The following C6orf118 variants were observed in gnomAD, a reference collection of about 807,000 sequenced individuals.
The protein encoded by C6orf118 is uncharacterized protein C6orf118.
C6orf118 carries 50 observed loss-of-function variants against 50.2 expected under a neutral mutation model. That is an observed-to-expected ratio of 1.00 (90% confidence interval 0.79 to 1.26). The LOEUF (loss-of-function observed/expected upper bound fraction) is 1.26. Ranked by LOEUF, C6orf118 falls within the 50% of genes most tolerant of loss-of-function variation. The pLI is 0.00. For synonymous variants in C6orf118, 239 were observed against 230.9 expected, an observed-to-expected ratio of 1.03 and a Z score of -0.32; for missense variants, 641 against 578.7, an observed-to-expected ratio of 1.11 and a Z score of -1.10.
At chr6:165,280,191 AT>A in intron 8 of C6orf118, 81 bp from the exon 9 acceptor site, 2 of 984,330 alleles carry the variant, frequency 2.0e-6, no homozygotes, top group Non-Finnish European at 3.0e-6. Context: ...ATAAGCATCT[AT>A]TTTAGACACA....
At chr6:165,301,469 C>A in intron 2 of C6orf118, 100 bp downstream of exon 2, 1 of 1,459,744 alleles carries the variant, frequency 6.9e-7, no homozygotes, top group Non-Finnish European at 9.2e-7. Context: ...GGAGCTCTGC[C>A]CCGAGAGGTT....
intron 8 of C6orf118, chr6:165,281,422 C>G: frequency 9.4e-7 from 1 of 1,060,670 alleles, no homozygotes; most frequent in Non-Finnish European, 1.2e-6. Context: ...TTTTAAATAA[C>G]TGATCTTGAG....
chr6:165,304,794 T>G (rs1172117617), intron 1 of C6orf118, among the ~76,000 whole-genome samples: 3 of 70,544 alleles, frequency 4.3e-5, no homozygotes, highest in Non-Finnish European at 7.3e-5. Flanking sequence ...CAAGGAGAAC[T>G]ACAAACCACT....
At chr6:165,293,317 T>C (rs750864939) in intron 6 of C6orf118, 96 bp downstream of exon 6, 2 of 1,113,734 alleles carry the variant, frequency 1.8e-6, no homozygotes, top group Non-Finnish European at 2.8e-6. Flanking sequence ...CATCAGCATC[T>C]TCCAAGTTGA....
intron 7 of C6orf118, among the ~76,000 whole-genome samples, chr6:165,284,679 T>G (rs1179288857): frequency 2.0e-5 from 3 of 152,170 alleles, no homozygotes; most frequent in Non-Finnish European, 4.4e-5. Context: ...CCTAACATTC[T>G]TAAGGAAAAT....
In C6orf118 at chr6:165,290,155, A is replaced by G; in HGVS notation, c.1121-88T>C. On this transcript the variant is annotated intron_variant, in intron 6 of 8. Transcript: ENST00000230301. ...TTATGTATTATTAACAATATTATGT[A>G]TGCTATAGTATATATAACTATAAAA... 3 of 758,858 alleles carry G rather than the reference A, an allele frequency of 4.0e-6. 1 individual carries two copies. The highest frequency in any genetic ancestry group is 6.3e-6 in the Non-Finnish European group (3 of 479,990). The allele number at this position is 758,858 out of a possible 1,614,324, so 47.0% of individuals were successfully genotyped here. A position where few individuals can be genotyped will look rare whatever the true frequency, so the allele number is the denominator to read the frequency against.
At chr6:165,307,934 A>G (rs778027606) in intron 1 of C6orf118, among the ~76,000 whole-genome samples, 14 of 152,178 alleles carry the variant, frequency 9.2e-5, no homozygotes, top group Non-Finnish European at 1.6e-4. Flanking sequence ...GAATCTTTTC[A>G]GACTCCACTG....
At chr6:165,280,461 A>T (rs1032926003) in intron 8 of C6orf118, among the ~76,000 whole-genome samples, 2 of 152,084 alleles carry the variant, frequency 1.3e-5, no homozygotes, top group African/African-American at 4.8e-5. Context: ...TTTTAAGAAC[A>T]CCCAACATGA....
At chr6:165,296,486 C>T (rs904403221) in intron 5 of C6orf118, among the ~76,000 whole-genome samples, 6 of 151,954 alleles carry the variant, frequency 3.9e-5, no homozygotes, top group Non-Finnish European at 7.4e-5. Context: ...CCACTGACCC[C>T]GCACCCTGTA....
At position 165,281,643 on chromosome 6, in the gene C6orf118, T is replaced by C. The variant is rs768462870; in HGVS notation, c.1353A>G (p.Ile451Met). ...TTGATTCACACAAAAAACTTACTTT[T>C]ATTTTCTTCTTTAAAATCATATTTT... is the stretch of plus-strand genomic sequence containing the variant. ...ETENMILKKK[I>M]KGPLEIYQGI... Residue 451 changes from isoleucine (I) to methionine (M), a missense_variant, in exon 8 of 9, where the codon ATA becomes ATG. Physicochemically the swap from Ile to Met is conservative, Grantham distance 10 (BLOSUM62 1). Coordinates refer to ENST00000230301, the MANE Select transcript of C6orf118 (RefSeq NM_144980.4). 7.4e-6 allele frequency: 11 copies of C among 1,493,956 alleles called. No individual in the cohort carries two copies. Among genetic ancestry groups the C allele is most frequent in the South Asian group, 3.9e-5 (3 of 76,546 alleles). 92.5% of individuals were successfully genotyped at this position (1,493,956 alleles called of 1,614,324 possible). A position where few individuals can be genotyped will look rare whatever the true frequency, so the allele number is the denominator to read the frequency against.
chr6:165,291,860 C>T (rs1023739958), intron 6 of C6orf118, among the ~76,000 whole-genome samples: 1 of 152,110 alleles, frequency 6.6e-6, no homozygotes, highest in Admixed American at 6.5e-5. Context: ...AAAACAATTA[C>T]TACTTTTCGA....
rs771470217 is a variant in C6orf118, at chr6:165,302,126, G to A, written c.196C>T (p.Pro66Ser). The change falls in exon 2 of 9, where the codon CCC becomes TCC. Residue 66 changes from proline to serine, a missense_variant. By Grantham distance (74) the Pro-to-Ser change is moderately conservative (BLOSUM62 -1). Transcript: ENST00000230301. Reference protein sequence around the residue: ...VYLYISGHLNPNKLYQPPETI... With the variant: ...VYLYISGHLNSNKLYQPPETI... ...TCCGGAGGCTGGTAGAGCTTGTTGGGGTTCAGGTGTCCAGAGATGTAGAGG... is the reference window on the plus strand; with the variant it reads ...TCCGGAGGCTGGTAGAGCTTGTTGGAGTTCAGGTGTCCAGAGATGTAGAGG... 5 of 1,613,942 alleles carry A rather than the reference G, an allele frequency of 3.1e-6. No individual in the cohort carries two copies. Among genetic ancestry groups the A allele is most frequent in the African/African-American group, 2.7e-5 (2 of 74,884 alleles).
rs766875118 is a variant in C6orf118, at chr6:165,293,393, G to C, written c.1120+20C>G. Reference sequence around the variant, plus strand: ...TCACAGCAAAGCACCCATAAGGAAGGACATCACACAGACACCTGCCTGATC... The same window carrying C: ...TCACAGCAAAGCACCCATAAGGAAGCACATCACACAGACACCTGCCTGATC... On this transcript the variant is annotated intron_variant, in intron 6 of 8. Coordinates refer to ENST00000230301, the MANE Select transcript of C6orf118 (RefSeq NM_144980.4). 16 of 1,611,780 alleles carry C rather than the reference G, an allele frequency of 9.9e-6. No homozygotes were observed. Among genetic ancestry groups the C allele is most frequent in the Non-Finnish European group, 1.3e-5 (15 of 1,177,814 alleles).
chr6:165,299,581 C>T lies in C6orf118; in HGVS notation c.877-79G>A, dbSNP rs73788323. 1,368 of 1,091,680 alleles carry T rather than the reference C, an allele frequency of 1.3e-3. 10 individuals carry two copies. In the African/African-American group the frequency reaches 0.017, roughly 14 times the overall value. 67.6% of individuals were successfully genotyped at this position (1,091,680 alleles called of 1,614,324 possible). A position where few individuals can be genotyped will look rare whatever the true frequency, so the allele number is the denominator to read the frequency against. On this transcript the variant is annotated intron_variant, in intron 3 of 8. Coordinates refer to ENST00000230301, the MANE Select transcript of C6orf118 (RefSeq NM_144980.4). ...AGGTGTTTCACGTGTATAAATAATA[C>T]GGAAGTCAAGAATGTTCATTTAGAT...
intron 8 of C6orf118, among the ~76,000 whole-genome samples, chr6:165,280,927 C>T (rs1229843010): frequency 6.6e-6 from 1 of 152,156 alleles, no homozygotes; most frequent in African/African-American, 2.4e-5. Flanking sequence ...TAAGCCTTTC[C>T]CTATTTAAAT....
At position 165,309,568 on chromosome 6, in the gene C6orf118, G is replaced by T; in HGVS notation, c.19C>A (p.Pro7Thr). The T allele has an allele frequency of 2.5e-6, 4 of 1,614,066 alleles. No homozygotes were observed. The highest frequency in any genetic ancestry group is 3.4e-6 in the Non-Finnish European group (4 of 1,180,012). ...GCCGCTCCAGGCCACTTACATTCAG[G>T]CTCCCGCTCCTCCGCCATCGCTTCC... MAEERE[P>T]ELYLKWKHCE... The change falls in exon 1 of 9, where the codon CCT (proline) becomes ACT (threonine). Residue 7 changes from proline (P) to threonine (T), a missense_variant. Transcript: ENST00000230301.
intron 1 of C6orf118, among the ~76,000 whole-genome samples, chr6:165,303,497 AC>A (rs1479830850): frequency 2.1e-5 from 3 of 145,950 alleles, no homozygotes; most frequent in African/African-American, 7.9e-5. Context: ...AAATAGAGAC[AC>A]AAAAAACCCT....
In C6orf118 at chr6:165,290,024, A is replaced by G; in HGVS notation, c.1164T>C (p.Leu388=). 1 of 1,609,600 alleles carries G rather than the reference A, an allele frequency of 6.2e-7. No homozygotes were observed. Among genetic ancestry groups the G allele is most frequent in the Non-Finnish European group, 8.5e-7 (1 of 1,178,204 alleles). The change falls in exon 7 of 9, where the codon CTT becomes CTC. Residue 388 remains leucine, a synonymous_variant. Coordinates refer to ENST00000230301, the MANE Select transcript of C6orf118 (RefSeq NM_144980.4). ...KHIIDENRLT[L]TEKVEKKRCE... Reference sequence around the variant, plus strand: ...ACCTCTTCTTTTCAACCTTCTCAGTAAGAGTAAGTCGGTTTTCATCAATTA... The same window carrying G: ...ACCTCTTCTTTTCAACCTTCTCAGTGAGAGTAAGTCGGTTTTCATCAATTA...
chr6:165,299,423 T>G lies in C6orf118; in HGVS notation c.936+20A>C, dbSNP rs779587325. 17 of 1,612,506 alleles carry G rather than the reference T, an allele frequency of 1.1e-5. No individual in the cohort carries two copies. The Middle Eastern group carries it at 4.9e-4, about 47-fold the overall frequency. ...ATGGATAAGCAGGCTCTATTCAGGC[T>G]CTTTGTGATCGATCGTCACCTCGTA... On this transcript the variant is annotated intron_variant, in intron 4 of 8. Transcript: ENST00000230301.
Sources: gnomAD v4.1 joint callset for allele counts (sites outside exome capture counted in the v4.1 genomes callset) on GRCh38, gnomAD v4.1.1 for gene constraint, MANE v1.5 for transcripts, NCBI Gene and HGNC (gene_info 2026-07-23, HGNC 2026-07-21) for gene names.